MFSD2B: variants seen among roughly 807,000 people sequenced by gnomAD.
MFSD2B encodes the protein MFSD2 lysolipid transporter B, sphingolipid.
A neutral mutation model predicts 58.4 loss-of-function variants in MFSD2B; 56 were observed. That is an observed-to-expected ratio of 0.96 (90% CI 0.77 to 1.20). The LOEUF is 1.20. MFSD2B is among the 50% of genes most tolerant of loss of function. The pLI, the probability that MFSD2B is intolerant of heterozygous loss-of-function variation, is 0.00. For missense variants in MFSD2B, 645 were observed against 667.6 expected (o/e 0.97, Z 0.37); for synonymous variants, 287 against 294.4 (o/e 0.97, Z 0.26).
rs1662959445 is a variant in MFSD2B, at chr2:24,025,775, C to A, written c.*319C>A. 2 of 309,146 alleles carry A rather than the reference C, an allele frequency of 6.5e-6. No homozygotes were observed. The highest frequency in any genetic ancestry group is 4.7e-5 in the Admixed American group (1 of 21,374). The allele number at this position is 309,146 out of a possible 1,614,324, so 19.2% of individuals were successfully genotyped here. A position where few individuals can be genotyped will look rare whatever the true frequency, so the allele number is the denominator to read the frequency against. ...TAATATCTGTGGCCTACCACCCATT[C>A]AAGAAAACGTTACAGCCGGCTCACT... On this transcript the variant is annotated 3_prime_UTR_variant, in exon 14 of 14. Transcript: ENST00000338315.
intron 1 of MFSD2B, 141 bp from the exon 2 acceptor site, chr2:24,013,142 CAT>C (rs1709014531): frequency 2.8e-6 from 2 of 713,066 alleles, no homozygotes; most frequent in Non-Finnish European, 4.1e-6. Context: ...CTTAGGATGA[CAT>C]GGGGGCAAAA....
intron 1 of MFSD2B, among the ~76,000 whole-genome samples, chr2:24,010,443 T>C (rs1004769872): frequency 6.6e-6 from 1 of 152,194 alleles, no homozygotes; most frequent in African/African-American, 2.4e-5. Context: ...GTCATTGCTG[T>C]CCTGATTCCC....
rs767098563 is a variant in MFSD2B at position 24,017,003 on chromosome 2, C to T, written c.471+35C>T. 1.1e-5 allele frequency: 18 copies of T among 1,611,352 alleles called. No homozygotes were observed. The highest frequency in any genetic ancestry group is 1.3e-5 in the Non-Finnish European group (15 of 1,179,656). ...GCCCCTTCCTGGGCCTGTGCTCTGG[C>T]GAAGCCCATTGCTGGCCATGGCCAC... On this transcript the variant is annotated intron_variant, in intron 4 of 13. Coordinates refer to ENST00000338315, the MANE Select transcript of MFSD2B (RefSeq NM_001346880.2). This position sits in a 1 kb window ranked among gnomAD's most constrained non-coding sequence, Gnocchi z 4.8.
chr2:24,010,586 C>G (rs925031130), intron 1 of MFSD2B, among the ~76,000 whole-genome samples: 5 of 152,158 alleles, frequency 3.3e-5, no homozygotes, highest in African/African-American at 9.7e-5. Flanking sequence ...CCTCGGCCTC[C>G]CTCCCAGACC....
At chr2:24,016,047 G>A (rs1038570300) in intron 2 of MFSD2B, 109 bp from the exon 3 acceptor site, 69 of 1,371,976 alleles carry the variant, frequency 5.0e-5, no homozygotes, top group Non-Finnish European at 1.0e-5. Context: ...CTGTGGCTCT[G>A]CCCTCCGGTC....
At chr2:24,010,307 C>T (rs1043513209) in intron 1 of MFSD2B, 115 bp downstream of exon 1, 5 of 809,404 alleles carry the variant, frequency 6.2e-6, no homozygotes, top group East Asian at 3.4e-5. Context: ...CCCAAACCTG[C>T]CAGCTCAGGG....
chr2:24,016,718 C>T, intron 3 of MFSD2B, 127 bp from the exon 4 acceptor site: 2 of 1,184,870 alleles, frequency 1.7e-6, no homozygotes, highest in Non-Finnish European at 2.3e-6. Flanking sequence ...CTCCTGGCTC[C>T]CACCCAGGGC....
Position 24,026,659 on chromosome 2 carries a change from C to G in MFSD2B, c.*1203C>G, listed in dbSNP as rs1226377750. On this transcript the variant is annotated 3_prime_UTR_variant, in exon 14 of 14. Transcript: ENST00000338315. ...ACACATCCATGTACCAGGAGGTCTA[C>G]CCCACTCCACGGGGACAGAAACTCT... The G allele has an allele frequency of 6.6e-6, 1 of 152,208 alleles. No individual in the cohort carries two copies. The highest frequency in any genetic ancestry group is 1.5e-5 in the Non-Finnish European group (1 of 68,044). The allele number at this position is 152,208 out of a possible 1,614,324, so 9.4% of individuals were successfully genotyped here.
In MFSD2B at chr2:24,022,373, C is replaced by A; in HGVS notation, c.895-60C>A. On this transcript the variant is annotated intron_variant, in intron 8 of 13. Coordinates refer to ENST00000338315, the MANE Select transcript of MFSD2B (RefSeq NM_001346880.2). This position sits in a 1 kb window ranked among gnomAD's most constrained non-coding sequence, Gnocchi z 4.5. ...GCCAGACTCCAGACCCTGTCCTTGC[C>A]CTTGACTTCTGAGCTCCTGCCATGC... The A allele has an allele frequency of 7.2e-7, 1 of 1,393,454 alleles. No individual in the cohort carries two copies. The highest frequency in any genetic ancestry group is 2.4e-5 in the East Asian group (1 of 42,114). The allele number at this position is 1,393,454 out of a possible 1,614,324, so 86.3% of individuals were successfully genotyped here.
In MFSD2B at chr2:24,012,275, G is replaced by T. The variant is rs542300486; in HGVS notation, c.97-1010G>T. Among the ~76,000 whole-genome samples the T allele has an allele frequency of 6.6e-6, 1 of 151,984 alleles. No homozygotes were observed. The highest frequency in any genetic ancestry group is 2.1e-4 in the South Asian group (1 of 4,818). On this transcript the variant is annotated intron_variant, in intron 1 of 13. Coordinates refer to ENST00000338315, the MANE Select transcript of MFSD2B (RefSeq NM_001346880.2). The surrounding 1 kb of genome is among the most constrained non-coding windows in gnomAD (Gnocchi z 4.5). ...ATTATTTATTTATTTATTTATGACT[G>T]AGTCTCTGTCACCCAGGCTGGAGTG...
chr2:24,023,517 C>G lies in MFSD2B; in HGVS notation c.1170-66C>G. 1 of 1,545,966 alleles carries G rather than the reference C, an allele frequency of 6.5e-7. No individual in the cohort carries two copies. The highest frequency in any genetic ancestry group is 1.2e-5 in the South Asian group (1 of 83,058). On this transcript the variant is annotated intron_variant, in intron 11 of 13. Transcript: ENST00000338315. The surrounding 1 kb of genome is among the most constrained non-coding windows in gnomAD (Gnocchi z 5.0). ...GATGAATCCACTTTGGCCTCCGTCC[C>G]CAGAGAATTCACAGGCTGCTGGTGG...
chr2:24,024,267 C>T lies in MFSD2B; in HGVS notation c.1486C>T (p.Arg496Trp), dbSNP rs373852333. Residue 496 changes from arginine (R) to tryptophan (W), a missense_variant, in exon 13 of 14, where the codon CGG (arginine) becomes TGG (tryptophan). Arg to Trp is a moderately radical substitution (Grantham distance 101). Coordinates refer to ENST00000338315, the MANE Select transcript of MFSD2B (RefSeq NM_001346880.2). The surrounding 1 kb of genome is among the most constrained non-coding windows in gnomAD (Gnocchi z 4.3). ...SRDASSRLSL[R>W]RRTSYSLA ...GGACGCCTCCAGCCGGCTGAGCCTTCGGAGGTAAGCCCCGCACGCCCCCTG... is the reference window on the plus strand; with the variant it reads ...GGACGCCTCCAGCCGGCTGAGCCTTTGGAGGTAAGCCCCGCACGCCCCCTG... The T allele has an allele frequency of 1.2e-4, 185 of 1,601,408 alleles. 1 individual carries two copies. The highest frequency in any genetic ancestry group is 3.1e-4 in the South Asian group (28 of 89,306).
chr2:24,022,744 C>A lies in MFSD2B; in HGVS notation c.979-78C>A, dbSNP rs1348086458. 8.6e-7 allele frequency: 1 copy of A among 1,165,262 alleles called. No homozygotes were observed. The highest frequency in any genetic ancestry group is 1.2e-6 in the Non-Finnish European group (1 of 838,570). 72.2% of individuals were successfully genotyped at this position (1,165,262 alleles called of 1,614,324 possible). On this transcript the variant is annotated intron_variant, in intron 9 of 13. Transcript: ENST00000338315. This position sits in a 1 kb window ranked among gnomAD's most constrained non-coding sequence, Gnocchi z 4.5. ...GCAAGGCCAAGGTCAGGCATCCAAT[C>A]TAAAAGCCAAGGCCTTGGGGTCCCA...
chr2:24,018,498 G>C, intron 6 of MFSD2B: 1 of 182,792 alleles, frequency 5.5e-6, no homozygotes, highest in Non-Finnish European at 1.2e-5. Context: ...GGCAATGCAG[G>C]CTGGGTGACC....
rs1465238414 is a variant in MFSD2B, at chr2:24,024,988, G to C, written c.1491-444G>C. 1.3e-5 allele frequency among the ~76,000 whole-genome samples: 2 copies of C among 152,292 alleles called. No homozygotes were observed. The highest frequency in any genetic ancestry group is 1.9e-4 in the East Asian group (1 of 5,180). ...TTCCTTTTTGTATCCCAAGAGCCCAGCACAGAGCCTGAGGCCAAGCAGGTA... is the reference window on the plus strand; with the variant it reads ...TTCCTTTTTGTATCCCAAGAGCCCACCACAGAGCCTGAGGCCAAGCAGGTA... On this transcript the variant is annotated intron_variant, in intron 13 of 13. Transcript: ENST00000338315. This position sits in a 1 kb window ranked among gnomAD's most constrained non-coding sequence, Gnocchi z 4.3.
rs368540546 is a variant in MFSD2B, at chr2:24,023,678, C to T, written c.1265C>T (p.Thr422Ile). The change falls in exon 12 of 14, where the codon ACC becomes ATC. Residue 422 changes from threonine to isoleucine, a missense_variant. Physicochemically the swap from Thr to Ile is moderately conservative, Grantham distance 89. Coordinates refer to ENST00000338315, the MANE Select transcript of MFSD2B (RefSeq NM_001346880.2). This position sits in a 1 kb window ranked among gnomAD's most constrained non-coding sequence, Gnocchi z 5.0. ...TTCTACTCCTCCTACGTCTTCTTCA[C>T]CAAGCTGTCTGGCGCATGTGCCCTG... ...TIFYSSYVFF[T>I]KLSGACALGI... 2.1e-5 allele frequency: 34 copies of T among 1,613,848 alleles called. No homozygotes were observed. In the African/African-American group the frequency reaches 2.7e-4, roughly 13 times the overall value.
In MFSD2B at chr2:24,017,477, G is replaced by A. The variant is rs768284363; in HGVS notation, c.570G>A (p.Ala190=). The part of the protein sequence containing the change: ...ATAYRMTVEM[A]GTLMGATVHG... Reference sequence around the variant, plus strand: ...CTCCAGGGATGACTGTGGAGATGGCGGGAACACTGATGGGGGCCACTGTCC... The same window carrying A: ...CTCCAGGGATGACTGTGGAGATGGCAGGAACACTGATGGGGGCCACTGTCC... The change falls in exon 6 of 14, where the codon GCG becomes GCA. Residue 190 remains alanine (A), a synonymous_variant. Coordinates refer to ENST00000338315, the MANE Select transcript of MFSD2B (RefSeq NM_001346880.2). This position sits in a 1 kb window ranked among gnomAD's most constrained non-coding sequence, Gnocchi z 4.8. 5.2e-5 allele frequency: 84 copies of A among 1,600,644 alleles called. No individual in the cohort carries two copies. Among genetic ancestry groups the A allele is most frequent in the African/African-American group, 5.4e-5 (4 of 74,708 alleles).
At chr2:24,014,159 G>A (rs954568038) in intron 2 of MFSD2B, among the ~76,000 whole-genome samples, 4 of 152,178 alleles carry the variant, frequency 2.6e-5, no homozygotes, top group East Asian at 3.9e-4. Flanking sequence ...TTACAGGTGT[G>A]TGCCATCATG....
chr2:24,010,162 C>T lies in MFSD2B; in HGVS notation c.66C>T (p.Pro22=), dbSNP rs1358468937. 37 of 1,450,252 alleles carry T rather than the reference C, an allele frequency of 2.6e-5. No individual in the cohort carries two copies. The highest frequency in any genetic ancestry group is 3.3e-5 in the Non-Finnish European group (36 of 1,106,402). The allele number at this position is 1,450,252 out of a possible 1,614,324, so 89.8% of individuals were successfully genotyped here. The change falls in exon 1 of 14, where the codon CCC becomes CCT. Residue 22 remains proline, a synonymous_variant. Coordinates refer to ENST00000338315, the MANE Select transcript of MFSD2B (RefSeq NM_001346880.2). ...SPQPEPHAPE[P]GPGSAKRGRE... ...AGCCGGAGCCGCACGCCCCAGAGCC[C>T]GGCCCGGGGAGCGCCAAGCGAGGGC... is the stretch of plus-strand genomic sequence containing the variant.
Sources: allele counts gnomAD v4.1 joint callset (sites outside exome capture counted in the v4.1 genomes callset), GRCh38; gene constraint gnomAD v4.1.1; non-coding constraint Gnocchi (gnomAD v3.1); transcripts MANE v1.5; gene names NCBI Gene and HGNC (gene_info 2026-07-23, HGNC 2026-07-21).